The following TNFAIP6 variants were observed in gnomAD, a reference collection of about 807,000 sequenced individuals.
TNFAIP6 encodes the protein tumor necrosis factor-inducible gene 6 protein.
TNFAIP6 carries 36 observed loss-of-function variants against 33.7 expected under a neutral mutation model. The ratio of observed to expected loss-of-function variants is 1.07; its 90% confidence interval spans 0.82 to 1.41. The LOEUF is 1.41. TNFAIP6 is among the 40% of genes most tolerant of loss of function. The pLI, the probability that TNFAIP6 is intolerant of heterozygous loss-of-function variation, is 0.00. For missense variants in TNFAIP6, 273 were observed against 331.9 expected, an observed-to-expected ratio of 0.82 and a Z score of 1.38; for synonymous variants, 113 against 112.8, an observed-to-expected ratio of 1.00 and a Z score of -0.01.
Position 151,363,951 on chromosome 2 carries a change from G to A in TNFAIP6, c.103G>A (p.Ala35Thr). The A allele has an allele frequency of 1.2e-6, 2 of 1,612,322 alleles. No homozygotes were observed. The highest frequency in any genetic ancestry group is 1.7e-6 in the Non-Finnish European group (2 of 1,179,522). The stretch of plus-strand genomic sequence containing the variant: ...ATCATCTGATTTTGCAGAACGAGCA[G>A]CCGGTGTGTACCACAGAGAAGCACG... Reference protein sequence around the residue: ...FHNSIWLERAAGVYHREARSG... With the variant: ...FHNSIWLERATGVYHREARSG... Residue 35 changes from alanine (A) to threonine (T), a missense_variant, in exon 2 of 6, where the codon GCC (alanine) becomes ACC (threonine). By Grantham distance (58) the Ala-to-Thr change is moderately conservative (BLOSUM62 0). Coordinates refer to ENST00000243347, the MANE Select transcript of TNFAIP6 (RefSeq NM_007115.4).
At chr2:151,369,952 A>G in intron 3 of TNFAIP6, 68 bp from the exon 4 acceptor site, 1 of 1,234,874 alleles carries the variant, frequency 8.1e-7, no homozygotes, top group Admixed American at 2.1e-5. Context: ...AAGAAATGTC[A>G]TTTTTAACAG....
At chr2:151,360,292 T>A (rs933115912) in intron 1 of TNFAIP6, among the ~76,000 whole-genome samples, 1 of 152,018 alleles carries the variant, frequency 6.6e-6, no homozygotes, top group Non-Finnish European at 1.5e-5. Context: ...AGTGAGACCT[T>A]GTCTCAGAGA....
chr2:151,370,372 C>T, intron 4 of TNFAIP6, 124 bp downstream of exon 4: 1 of 716,188 alleles, frequency 1.4e-6, no homozygotes. Context: ...TCCTAAAGCA[C>T]CATATCATTT....
chr2:151,365,181 A>G (rs188254362), intron 2 of TNFAIP6, among the ~76,000 whole-genome samples: 132 of 152,264 alleles, frequency 8.7e-4, no homozygotes, highest in Admixed American at 2.1e-3. Context: ...TCTCTACAAA[A>G]AAAATTAAAA....
intron 4 of TNFAIP6, among the ~76,000 whole-genome samples, chr2:151,372,445 T>C (rs1684833444): frequency 6.6e-6 from 1 of 152,190 alleles, no homozygotes; most frequent in African/African-American, 2.4e-5. Context: ...TTTTTATATG[T>C]GTAAAAGGGT....
chr2:151,371,865 G>A (rs1684822008), intron 4 of TNFAIP6: 1 of 152,292 alleles, frequency 6.6e-6, no homozygotes, highest in South Asian at 2.1e-4. Flanking sequence ...AAAGTGCTGG[G>A]ATTACAGGTG....
At position 151,379,407 on chromosome 2, in the gene TNFAIP6, A is replaced by G; in HGVS notation, c.708A>G (p.Thr236=). 6.2e-7 allele frequency: 1 copy of G among 1,608,602 alleles called. No homozygotes were observed. Among genetic ancestry groups the G allele is most frequent in the Non-Finnish European group, 8.5e-7 (1 of 1,178,046 alleles). ...TLKFLSDASV[T]AGGFQIKYVA... ...AGTTTCTAAGTGATGCTTCAGTGAC[A>G]GCTGGAGGTTTCCAAATCAAATATG... Residue 236 remains threonine (T), a synonymous_variant, in exon 6 of 6, where the codon ACA becomes ACG. Coordinates refer to ENST00000243347, the MANE Select transcript of TNFAIP6 (RefSeq NM_007115.4).
chr2:151,361,515 A>G (rs1292535905), intron 1 of TNFAIP6, among the ~76,000 whole-genome samples: 1 of 152,194 alleles, frequency 6.6e-6, no homozygotes, highest in Non-Finnish European at 1.5e-5. Context: ...TTTAATCTGT[A>G]TTCTTAGGAA....
chr2:151,379,266 A>G, intron 5 of TNFAIP6, 98 bp from the exon 6 acceptor site: 3 of 1,130,860 alleles, frequency 2.7e-6, no homozygotes, highest in South Asian at 2.0e-5. Context: ...TTGTTCATGA[A>G]TTCTTATATT....
At chr2:151,377,212 C>T (rs1034101810) in intron 5 of TNFAIP6, among the ~76,000 whole-genome samples, 61 of 151,632 alleles carry the variant, frequency 4.0e-4, no homozygotes, top group Middle Eastern at 6.9e-3. Flanking sequence ...CTCTGTCGCC[C>T]AGGCTGGAGT....
rs995281959 is a variant in TNFAIP6, at chr2:151,364,185, T to G, written c.232+105T>G. ...TTCTTTCTCCAACCCCCTTCTGATA[T>G]ATCACTAAGCCCCTAGGACATTTCT... On this transcript the variant is annotated intron_variant, in intron 2 of 5. Transcript: ENST00000243347. The G allele has an allele frequency of 5.2e-6, 7 of 1,358,012 alleles. No individual in the cohort carries two copies. The African/African-American group carries it at 7.3e-5, about 14-fold the overall frequency. 84.1% of individuals were successfully genotyped at this position (1,358,012 alleles called of 1,614,324 possible). A position where few individuals can be genotyped will look rare whatever the true frequency, so the allele number is the denominator to read the frequency against.
intron 5 of TNFAIP6, among the ~76,000 whole-genome samples, chr2:151,376,924 T>TG (rs1482197343): frequency 1.4e-5 from 2 of 145,862 alleles, no homozygotes; most frequent in African/African-American, 5.1e-5. Flanking sequence ...TCACCCAGGC[T>TG]GGAGTGCAAG....
At position 151,363,976 on chromosome 2, in the gene TNFAIP6, G is replaced by C. The variant is rs566948911; in HGVS notation, c.128G>C (p.Arg43Pro). 2 of 1,613,958 alleles carry C rather than the reference G, an allele frequency of 1.2e-6. No individual in the cohort carries two copies. The highest frequency in any genetic ancestry group is 1.3e-5 in the African/African-American group (1 of 74,902). The change falls in exon 2 of 6, where the codon CGG becomes CCG. Residue 43 changes from arginine (R) to proline (P), a missense_variant. Arg to Pro is a moderately radical substitution (Grantham distance 103). Transcript: ENST00000243347. The stretch of plus-strand genomic sequence containing the variant: ...GCCGGTGTGTACCACAGAGAAGCAC[G>C]GTCTGGCAAATACAAGCTCACCTAC... Reference protein sequence around the residue: ...RAAGVYHREARSGKYKLTYAE... With the variant: ...RAAGVYHREAPSGKYKLTYAE...
intron 1 of TNFAIP6, among the ~76,000 whole-genome samples, chr2:151,360,692 G>A (rs1163395356): frequency 1.3e-5 from 2 of 152,064 alleles, no homozygotes; most frequent in Non-Finnish European, 2.9e-5. Flanking sequence ...TTGTTCATAT[G>A]GCAACATACT....
Position 151,364,211 on chromosome 2 carries a change from GCTCT to G in TNFAIP6, c.232+134_232+137del, listed in dbSNP as rs1443150787. The G allele has an allele frequency of 7.8e-6, 9 of 1,158,262 alleles. No individual in the cohort carries two copies. In the African/African-American group the frequency reaches 1.4e-4, roughly 18 times the overall value. 71.7% of individuals were successfully genotyped at this position (1,158,262 alleles called of 1,614,324 possible). A position where few individuals can be genotyped will look rare whatever the true frequency, so the allele number is the denominator to read the frequency against. ...ATCACTAAGCCCCTAGGACATTTCT[GCTCT>G]CTGACTTCTCCTATCCATCTGCCTA... On this transcript the variant is annotated intron_variant, in intron 2 of 5. Coordinates refer to ENST00000243347, the MANE Select transcript of TNFAIP6 (RefSeq NM_007115.4).
intron 5 of TNFAIP6, among the ~76,000 whole-genome samples, chr2:151,376,817 A>T (rs534767036): frequency 5.3e-4 from 79 of 150,190 alleles, no homozygotes; most frequent in African/African-American, 1.5e-3. Context: ...ATTCTACTTT[A>T]AAAAAAAATA....
At chr2:151,375,901 G>A (rs1684898864) in intron 5 of TNFAIP6, among the ~76,000 whole-genome samples, 1 of 152,206 alleles carries the variant, frequency 6.6e-6, no homozygotes. Flanking sequence ...GTGAGCCTCA[G>A]GAGTTTGGGA....
At chr2:151,368,522 T>A (rs989245950) in intron 3 of TNFAIP6, 5 of 151,662 alleles carry the variant, frequency 3.3e-5, no homozygotes, top group Non-Finnish European at 7.4e-5. Context: ...TGAGACAGCG[T>A]TTTTGTTTTG....
chr2:151,364,124 G>A, intron 2 of TNFAIP6, 44 bp downstream of exon 2: 2 of 1,596,906 alleles, frequency 1.3e-6, no homozygotes, highest in South Asian at 2.3e-5. Flanking sequence ...TATCCTTGGA[G>A]GAAAAAAATC....
Sources: gnomAD v4.1 joint callset for allele counts (sites outside exome capture counted in the v4.1 genomes callset) on GRCh38, gnomAD v4.1.1 for gene constraint, MANE v1.5 for transcripts, NCBI Gene and HGNC (gene_info 2026-07-23, HGNC 2026-07-21) for gene names.